The following JPH1 variants were observed in gnomAD, a reference collection of about 807,000 sequenced individuals.
JPH1 encodes junctophilin 1, also known as junctophilin-1.
A neutral mutation model predicts 53.6 loss-of-function variants in JPH1; 12 were observed. The observed-to-expected ratio is 0.22, with a 90% CI of 0.14 to 0.36. JPH1 has a LOEUF of 0.36. JPH1 is among the 10% of genes least tolerant of loss of function. JPH1 has a pLI of 1.00. For synonymous variants in JPH1, 375 were observed against 363.8 expected, an observed-to-expected ratio of 1.03 and a Z score of -0.35; for missense variants, 808 against 905.5, an observed-to-expected ratio of 0.89 and a Z score of 1.38.
intron 3 of JPH1, among the ~76,000 whole-genome samples, chr8:74,256,381 G>A (rs60088766): frequency 0.014 from 2,106 of 151,474 alleles, 65 homozygotes; most frequent in African/African-American, 0.049. Flanking sequence ...ATCACACACC[G>A]GGGCCTATCA....
At chr8:74,303,237 A>T (rs1421900724) in intron 2 of JPH1, among the ~76,000 whole-genome samples, 1 of 152,210 alleles carries the variant, frequency 6.6e-6, no homozygotes, top group African/African-American at 2.4e-5. Context: ...CTGCAAGCAC[A>T]GCTCAAATCT....
intron 2 of JPH1, among the ~76,000 whole-genome samples, chr8:74,287,704 T>C (rs543430961): frequency 4.6e-5 from 7 of 152,124 alleles, no homozygotes; most frequent in African/African-American, 1.4e-4. Context: ...GCGGAGACTT[T>C]TAAAGAAGGG....
chr8:74,249,013 A>G (rs1805953141), intron 3 of JPH1, among the ~76,000 whole-genome samples: 1 of 152,232 alleles, frequency 6.6e-6, no homozygotes, highest in African/African-American at 2.4e-5. Flanking sequence ...AGTCAGATAC[A>G]GGTCACCCGC....
chr8:74,303,120 C>T (rs1162239671), intron 2 of JPH1, among the ~76,000 whole-genome samples: 1 of 152,284 alleles, frequency 6.6e-6, no homozygotes, highest in African/African-American at 2.4e-5. Flanking sequence ...AATGTGAGAA[C>T]TGCTTTACTT....
At chr8:74,311,154 C>T (rs556538874) in intron 2 of JPH1, among the ~76,000 whole-genome samples, 164 of 152,296 alleles carry the variant, frequency 1.1e-3, no homozygotes, top group African/African-American at 3.8e-3. Context: ...ATTTACACTA[C>T]CTGGGTGGAC....
At chr8:74,283,917 G>C (rs1368166510) in intron 2 of JPH1, among the ~76,000 whole-genome samples, 3 of 1,328 alleles carry the variant, frequency 2.3e-3, no homozygotes, top group African/African-American at 0.012. Context: ...GAAATGAAAA[G>C]AACAGTGGCA....
chr8:74,279,906 T>G (rs1198667682), intron 2 of JPH1, among the ~76,000 whole-genome samples: 4 of 152,210 alleles, frequency 2.6e-5, no homozygotes, highest in Non-Finnish European at 5.9e-5. Context: ...TGCATTTTAT[T>G]TTTAAATAAA....
intron 3 of JPH1, among the ~76,000 whole-genome samples, chr8:74,253,839 C>A (rs1317908535): frequency 6.6e-6 from 1 of 152,018 alleles, no homozygotes; most frequent in Non-Finnish European, 1.5e-5. Flanking sequence ...CAAGACTAAA[C>A]CAGGAAGAAG....
intron 2 of JPH1, among the ~76,000 whole-genome samples, chr8:74,265,446 T>C (rs1410974890): frequency 1.3e-5 from 2 of 152,216 alleles, no homozygotes; most frequent in Non-Finnish European, 2.9e-5. Context: ...TAATCCTTGA[T>C]TGGAATATGC....
At chr8:74,298,198 G>T (rs754490020) in intron 2 of JPH1, among the ~76,000 whole-genome samples, 1 of 152,142 alleles carries the variant, frequency 6.6e-6, no homozygotes, top group Non-Finnish European at 1.5e-5. Flanking sequence ...CACCTTGAAT[G>T]TCCACACATC....
At chr8:74,264,575 T>C (rs1220070891) in intron 2 of JPH1, among the ~76,000 whole-genome samples, 1 of 152,206 alleles carries the variant, frequency 6.6e-6, no homozygotes, top group Non-Finnish European at 1.5e-5. Context: ...CCTAACGAAG[T>C]CTGGTATTTG....
At chr8:74,305,064 T>A (rs955268286) in intron 2 of JPH1, among the ~76,000 whole-genome samples, 1 of 152,380 alleles carries the variant, frequency 6.6e-6, no homozygotes, top group Middle Eastern at 3.4e-3. Context: ...GAGACTGTTG[T>A]ACTAAAGCTG....
chr8:74,242,292 GT>G (rs1805719090), intron 4 of JPH1, among the ~76,000 whole-genome samples: 1 of 152,162 alleles, frequency 6.6e-6, no homozygotes, highest in South Asian at 2.1e-4. Flanking sequence ...AATAGCCAAG[GT>G]TTTTTGAGCA....
intron 4 of JPH1, among the ~76,000 whole-genome samples, chr8:74,240,793 C>A (rs997343169): frequency 1.3e-5 from 2 of 152,206 alleles, no homozygotes; most frequent in South Asian, 2.1e-4. Context: ...TAGCAGAGAA[C>A]GTGCCTTCCA....
At chr8:74,252,256 G>A (rs868392701) in intron 3 of JPH1, among the ~76,000 whole-genome samples, 36 of 152,284 alleles carry the variant, frequency 2.4e-4, no homozygotes, top group Middle Eastern at 6.8e-3. Flanking sequence ...CAGGACACAG[G>A]CATGGGCAAG....
At chr8:74,275,601 A>C (rs554902585) in intron 2 of JPH1, among the ~76,000 whole-genome samples, 1 of 152,312 alleles carries the variant, frequency 6.6e-6, no homozygotes, top group South Asian at 2.1e-4. Context: ...TGACAACGAA[A>C]AATGTGAGCG....
At chr8:74,275,462 T>G (rs1368924716) in intron 2 of JPH1, among the ~76,000 whole-genome samples, 3 of 152,242 alleles carry the variant, frequency 2.0e-5, no homozygotes, top group Non-Finnish European at 4.4e-5. Context: ...AAACAAGATG[T>G]CATCTTCTTT....
intron 3 of JPH1, among the ~76,000 whole-genome samples, chr8:74,258,058 T>G (rs1806288997): frequency 6.6e-6 from 1 of 152,330 alleles, no homozygotes; most frequent in African/African-American, 2.4e-5. Flanking sequence ...GCTATTTTGT[T>G]CACTTTGACT....
intron 2 of JPH1, among the ~76,000 whole-genome samples, chr8:74,264,846 G>A (rs747388002): frequency 5.9e-5 from 9 of 152,148 alleles, no homozygotes; most frequent in African/African-American, 2.2e-4. Flanking sequence ...TGTTTCTAAA[G>A]ATCTAGGTGA....
Sources: allele counts gnomAD v4.1 joint callset (sites outside exome capture counted in the v4.1 genomes callset), GRCh38; gene constraint gnomAD v4.1.1; transcripts MANE v1.5; gene names NCBI Gene and HGNC (gene_info 2026-07-23, HGNC 2026-07-21).